IL1RAPL1: variants seen among roughly 807,000 people sequenced by gnomAD.
IL1RAPL1 encodes interleukin 1 receptor accessory protein like 1.
A neutral mutation model predicts 48.4 loss-of-function variants in IL1RAPL1; 3 were observed. The ratio of observed to expected loss-of-function variants is 0.06; its 90% CI spans 0.03 to 0.16. The LOEUF (loss-of-function observed/expected upper bound fraction) is 0.16. IL1RAPL1 is among the 10% of genes least tolerant of loss of function. IL1RAPL1 has a pLI of 1.00. For synonymous variants in IL1RAPL1, 185 were observed against 187.7 expected, an observed-to-expected ratio of 0.99 and a Z score of 0.12; for missense variants, 349 against 530.6, an observed-to-expected ratio of 0.66 and a Z score of 3.36.
intron 2 of IL1RAPL1, among the ~76,000 whole-genome samples, chrX:29,010,727 G>A (rs777502554): frequency 3.6e-4 from 38 of 105,135 alleles, no homozygotes; most frequent in Non-Finnish European, 6.2e-4. Context: ...GTGTCATATT[G>A]TAATTAAGAG....
chrX:29,608,414 T>A (rs1329778989), intron 5 of IL1RAPL1, among the ~76,000 whole-genome samples: 82 of 83,507 alleles, frequency 9.8e-4, no homozygotes, highest in South Asian at 1.1e-3. Flanking sequence ...GAAGGAAGGA[T>A]GGGAGAAAGA....
chrX:28,938,700 TTC>T (rs751548343), intron 2 of IL1RAPL1, among the ~76,000 whole-genome samples: 1 of 111,387 alleles, frequency 9.0e-6, no homozygotes, highest in East Asian at 2.8e-4. Flanking sequence ...ACTTAAGAGC[TTC>T]TGCACAGCAA....
At chrX:28,839,041 C>T (rs1413810885) in intron 2 of IL1RAPL1, among the ~76,000 whole-genome samples, 1 of 111,504 alleles carries the variant, frequency 9.0e-6, no homozygotes, top group Non-Finnish European at 1.9e-5. Flanking sequence ...ACCATGTGAA[C>T]ACATTGATTA....
chrX:29,427,467 A>G (rs1267813745), intron 5 of IL1RAPL1, among the ~76,000 whole-genome samples: 1 of 111,821 alleles, frequency 8.9e-6, no homozygotes, highest in Non-Finnish European at 1.9e-5. Context: ...ACAAGAACTC[A>G]GAAACTAGGG....
Position 28,658,614 on chromosome X carries a change from T to C in IL1RAPL1, c.-25+70567T>C, listed in dbSNP as rs1001816724. Among the ~76,000 whole-genome samples the C allele has an allele frequency of 2.7e-4, 30 of 110,391 alleles. 1 individual carries two copies. Among genetic ancestry groups the C allele is most frequent in the Non-Finnish European group, 5.7e-5 (3 of 52,930 alleles). Reference sequence around the variant, plus strand: ...CAGAAGACAGACAACATTCAAAACATGTACTTGGATGTAGGACAACTCAGT... The same window carrying C: ...CAGAAGACAGACAACATTCAAAACACGTACTTGGATGTAGGACAACTCAGT... On this transcript the variant is annotated intron_variant, in intron 1 of 10. Coordinates refer to ENST00000378993, the MANE Select transcript of IL1RAPL1 (RefSeq NM_014271.4).
At chrX:29,269,853 A>G (rs1004294791) in intron 2 of IL1RAPL1, among the ~76,000 whole-genome samples, 1 of 111,131 alleles carries the variant, frequency 9.0e-6, no homozygotes, top group Non-Finnish European at 1.9e-5. Context: ...TGAAACTATC[A>G]TCACCACAAT....
chrX:28,947,859 C>G lies in IL1RAPL1; in HGVS notation c.82+158434C>G, dbSNP rs192033989. Among the ~76,000 whole-genome samples the G allele has an allele frequency of 9.0e-5, 10 of 111,554 alleles. No homozygotes were observed. The Admixed American group carries it at 9.6e-4, about 11-fold the overall frequency. ...ATTTGTTTTTGGTGCTCACTGAAAG[C>G]TTCGAGAAATGTAGCACTTATGCTA... On this transcript the variant is annotated intron_variant, in intron 2 of 10. Coordinates refer to ENST00000378993, the MANE Select transcript of IL1RAPL1 (RefSeq NM_014271.4).
intron 2 of IL1RAPL1, among the ~76,000 whole-genome samples, chrX:28,986,021 G>T (rs1295317648): frequency 8.9e-6 from 1 of 112,020 alleles, no homozygotes; most frequent in African/African-American, 3.2e-5. Context: ...ATCGAAAAAT[G>T]CAGTGCTGAT....
At chrX:28,647,295 A>G (rs766881778) in intron 1 of IL1RAPL1, among the ~76,000 whole-genome samples, 21 of 111,981 alleles carry the variant, frequency 1.9e-4, no homozygotes, top group Non-Finnish European at 3.2e-4. Context: ...AATATATTCC[A>G]AATCTAATCA....
intron 2 of IL1RAPL1, among the ~76,000 whole-genome samples, chrX:28,917,461 A>G (rs1923514988): frequency 8.9e-6 from 1 of 112,020 alleles, no homozygotes; most frequent in South Asian, 3.7e-4. Context: ...TTTAATTTTC[A>G]GTTCATTATA....
chrX:28,801,215 T>C (rs1936671592), intron 2 of IL1RAPL1, among the ~76,000 whole-genome samples: 1 of 111,367 alleles, frequency 9.0e-6, no homozygotes, highest in South Asian at 3.8e-4. Flanking sequence ...TTTAACTGTT[T>C]AGAAATTATG....
At chrX:29,685,658 A>T (rs1301313843) in intron 6 of IL1RAPL1, among the ~76,000 whole-genome samples, 1 of 111,477 alleles carries the variant, frequency 9.0e-6, no homozygotes, top group Non-Finnish European at 1.9e-5. Flanking sequence ...CACTAGTATC[A>T]GAAAAACATT....
intron 2 of IL1RAPL1, among the ~76,000 whole-genome samples, chrX:28,964,706 C>T (rs975093826): frequency 9.0e-6 from 1 of 111,335 alleles, no homozygotes; most frequent in African/African-American, 3.3e-5. Context: ...TTTTATTTTT[C>T]TTTCTGGATT....
chrX:29,236,613 T>C (rs1210848264), intron 2 of IL1RAPL1, among the ~76,000 whole-genome samples: 5 of 96,931 alleles, frequency 5.2e-5, no homozygotes, highest in Non-Finnish European at 6.0e-5. Context: ...AGTACAGTGG[T>C]GCGATCTCTG....
chrX:29,830,641 CGGGGTTTCACCATGTT>C (rs1930854267), intron 6 of IL1RAPL1, among the ~76,000 whole-genome samples: 1 of 110,161 alleles, frequency 9.1e-6, no homozygotes, highest in Non-Finnish European at 1.9e-5. Flanking sequence ...TTAGTACAGA[CGGGGTTTCACCATGTT>C]GGCCAGCCTT....
intron 6 of IL1RAPL1, among the ~76,000 whole-genome samples, chrX:29,758,659 G>A (rs894302249): frequency 1.9e-5 from 2 of 107,898 alleles, no homozygotes; most frequent in African/African-American, 3.4e-5. Context: ...TCACGCCATT[G>A]CACTCCAGCC....
At chrX:29,147,723 A>G (rs1929378627) in intron 2 of IL1RAPL1, among the ~76,000 whole-genome samples, 1 of 112,063 alleles carries the variant, frequency 8.9e-6, no homozygotes, top group African/African-American at 3.2e-5. Context: ...ATCATAAGCT[A>G]CCACATACAA....
chrX:29,764,609 AAGG>A (rs1171862126), intron 6 of IL1RAPL1, among the ~76,000 whole-genome samples: 1 of 112,194 alleles, frequency 8.9e-6, no homozygotes, highest in Admixed American at 9.4e-5. Flanking sequence ...GGACATAAAA[AAGG>A]AGGTTGGAAG....
At chrX:28,766,380 A>T (rs372470966) in intron 1 of IL1RAPL1, among the ~76,000 whole-genome samples, 2 of 32,070 alleles carry the variant, frequency 6.2e-5, no homozygotes, top group African/African-American at 2.6e-4. Context: ...CACACTCTTT[A>T]AAAAAAAAAA....
Sources: gnomAD v4.1 joint callset for allele counts (sites outside exome capture counted in the v4.1 genomes callset) on GRCh38, gnomAD v4.1.1 for gene constraint, MANE v1.5 for transcripts, NCBI Gene and HGNC (gene_info 2026-07-23, HGNC 2026-07-21) for gene names.